GANC: variants seen among roughly 807,000 people sequenced by gnomAD.
The protein encoded by GANC is glucosidase alpha, neutral C, also known as neutral alpha-glucosidase C.
Under a neutral mutation model 124.2 loss-of-function variants are expected in GANC, and 117 were observed. The observed-to-expected ratio is 0.94, with a 90% CI of 0.81 to 1.10. The LOEUF is 1.10. Ranked by LOEUF, GANC falls within the 50% of genes least tolerant of loss-of-function variation. The pLI is 0.00. For synonymous variants in GANC, 377 were observed against 376.8 expected (o/e 1.00, Z -0.01); for missense variants, 1,140 against 1,095.0 (o/e 1.04, Z -0.58).
intron 7 of GANC, 112 bp from the exon 8 acceptor site, chr15:42,308,110 G>A: frequency 1.6e-6 from 1 of 610,110 alleles, no homozygotes; most frequent in East Asian, 2.6e-5. Context: ...ATCTAGGTGA[G>A]CCCAGGTCTC....
At chr15:42,318,440 A>G (rs976262803) in intron 10 of GANC, among the ~76,000 whole-genome samples, 2 of 152,292 alleles carry the variant, frequency 1.3e-5, no homozygotes, top group East Asian at 1.9e-4. Context: ...ACTGTCTTCT[A>G]CCTTCTTGCT....
rs1157102936 is a variant in GANC, at chr15:42,322,026, A to G, written c.1293+6A>G. ...TCAGGAGCAAAAAGCGTAAGGTAAA[A>G]TAAGCCAACATTTCTGAACCTTTTA... On this transcript the variant is annotated splice_donor_region_variant and intron_variant, in intron 11 of 23. Transcript: ENST00000318010. 2 of 1,598,946 alleles carry G rather than the reference A, an allele frequency of 1.3e-6. No homozygotes were observed. The highest frequency in any genetic ancestry group is 1.7e-6 in the Non-Finnish European group (2 of 1,171,686).
At chr15:42,332,734 C>A (rs1237399609) in intron 15 of GANC, among the ~76,000 whole-genome samples, 2 of 151,246 alleles carry the variant, frequency 1.3e-5, no homozygotes, top group African/African-American at 4.9e-5. Context: ...TTTTTTTGAG[C>A]CAGGCACAGT....
intron 8 of GANC, among the ~76,000 whole-genome samples, chr15:42,309,268 C>G (rs771760279): frequency 6.6e-6 from 1 of 152,108 alleles, no homozygotes; most frequent in Non-Finnish European, 1.5e-5. Context: ...CTCCCACCCC[C>G]AATTCAGTTC....
chr15:42,327,211 C>G, intron 12 of GANC, 152 bp from the exon 13 acceptor site: 1 of 564,428 alleles, frequency 1.8e-6, no homozygotes, highest in South Asian at 2.8e-5. Context: ...TACCTTCCTT[C>G]ACTTCTCAAC....
rs901339620 is a variant in GANC, at chr15:42,352,589, C to G, written c.*450C>G. The G allele has an allele frequency of 3.0e-6, 3 of 1,010,192 alleles. No homozygotes were observed. Among genetic ancestry groups the G allele is most frequent in the Non-Finnish European group, 3.6e-6 (3 of 843,584 alleles). The allele number at this position is 1,010,192 out of a possible 1,614,324, so 62.6% of individuals were successfully genotyped here. A position where few individuals can be genotyped will look rare whatever the true frequency, so the allele number is the denominator to read the frequency against. ...TGGACAGCAGCCTCTGGTACTCCCC[C>G]CAGTTATCTTCCACCCACATGGACT... is the stretch of plus-strand genomic sequence containing the variant. On this transcript the variant is annotated 3_prime_UTR_variant, in exon 24 of 24. Coordinates refer to ENST00000318010, the MANE Select transcript of GANC (RefSeq NM_198141.3).
At chr15:42,280,907 T>C (rs747233039) in intron 3 of GANC, 29 of 700,564 alleles carry the variant, frequency 4.1e-5, no homozygotes, top group South Asian at 3.1e-4. Flanking sequence ...TGAGGAACAA[T>C]GCTCTTCAGG....
intron 6 of GANC, 26 bp from the exon 7 acceptor site, chr15:42,306,520 G>A (rs1339396158): frequency 9.4e-6 from 15 of 1,590,042 alleles, no homozygotes; most frequent in Non-Finnish European, 1.3e-5. Context: ...TGTAAACTCA[G>A]TTTGCTCCCT....
chr15:42,301,848 C>T (rs1474970334), intron 6 of GANC, among the ~76,000 whole-genome samples: 1 of 152,214 alleles, frequency 6.6e-6, no homozygotes, highest in Non-Finnish European at 1.5e-5. Context: ...AAGGCAGCAG[C>T]CCCAATCGGG....
chr15:42,348,879 T>A (rs1291294141), intron 21 of GANC, among the ~76,000 whole-genome samples: 1 of 152,188 alleles, frequency 6.6e-6, no homozygotes, highest in Non-Finnish European at 1.5e-5. Context: ...TGGGCCAAAC[T>A]ATGGGTCCCA....
intron 3 of GANC, chr15:42,284,071 T>C (rs1214525972): frequency 5.8e-6 from 4 of 686,412 alleles, no homozygotes; most frequent in Non-Finnish European, 1.1e-5. Flanking sequence ...CCACTCACTG[T>C]TCTATGTCTT....
At chr15:42,342,566 A>G (rs2052335426) in intron 18 of GANC, among the ~76,000 whole-genome samples, 2 of 151,818 alleles carry the variant, frequency 1.3e-5, no homozygotes, top group Non-Finnish European at 2.9e-5. Flanking sequence ...TGGGGAACAG[A>G]GTGAGACCCT....
At chr15:42,298,755 C>G (rs2051916043) in intron 6 of GANC, among the ~76,000 whole-genome samples, 2 of 152,164 alleles carry the variant, frequency 1.3e-5, no homozygotes, top group African/African-American at 4.8e-5. Context: ...GTTTGTAGTT[C>G]TCCTTGAAGA....
rs148072784 is a variant in GANC, at chr15:42,285,147, A to G, written c.202-2544A>G. ...TGTTTACTGTTTTAGGTAGAAGAAT[A>G]TAACAGTCATGTCCAAACTTTTTGA... On this transcript the variant is annotated intron_variant, in intron 3 of 23. Transcript: ENST00000318010. Among the ~76,000 whole-genome samples, 984 of 152,362 alleles carry G rather than the reference A, an allele frequency of 6.5e-3. 14 individuals carry two copies. Among genetic ancestry groups the G allele is most frequent in the African/African-American group, 0.022 (923 of 41,584 alleles).
chr15:42,352,116 G>A lies in GANC; in HGVS notation c.2722G>A (p.Asp908Asn). Residue 908 changes from aspartate (D) to asparagine (N), a missense_variant, in exon 24 of 24, where the codon GAC becomes AAC. Coordinates refer to ENST00000318010, the MANE Select transcript of GANC (RefSeq NM_198141.3). Reference sequence around the variant, plus strand: ...GAAGCTCTCACTCAACATTGCCACTGACTGGGAGGTCCGCATCATATGACA... The same window carrying A: ...GAAGCTCTCACTCAACATTGCCACTAACTGGGAGGTCCGCATCATATGACA... ...LEKLSLNIAT[D>N]WEVRII The A allele has an allele frequency of 1.2e-6, 2 of 1,614,140 alleles. No homozygotes were observed. The highest frequency in any genetic ancestry group is 1.7e-6 in the Non-Finnish European group (2 of 1,180,016).
At chr15:42,323,872 G>A (rs1369703766) in intron 11 of GANC, among the ~76,000 whole-genome samples, 1 of 152,146 alleles carries the variant, frequency 6.6e-6, no homozygotes, top group Non-Finnish European at 1.5e-5. Context: ...AGGGAAGAGG[G>A]CAATGCAGCC....
intron 10 of GANC, among the ~76,000 whole-genome samples, chr15:42,316,500 ATTTTCTTCTATGCG>A (rs937374880): frequency 1.2e-4 from 18 of 152,298 alleles, no homozygotes; most frequent in South Asian, 4.1e-4. Flanking sequence ...GGAAGGCAGC[ATTTTCTTCTATGCG>A]TTTTCTTCTA....
rs2052043148 is a variant in GANC, at chr15:42,310,750, CAT to C, written c.962_963del (p.His321ArgfsTer11). 1 of 1,614,172 alleles carries C rather than the reference CAT, an allele frequency of 6.2e-7. No individual in the cohort carries two copies. The highest frequency in any genetic ancestry group is 8.5e-7 in the Non-Finnish European group (1 of 1,179,988). On this transcript the variant is annotated frameshift_variant, in exon 10 of 24. Coordinates refer to ENST00000318010, the MANE Select transcript of GANC (RefSeq NM_198141.3). LOFTEE classifies it high-confidence loss of function. ...TAAACAAAAGGTCAGATCTCGCACTCATGTGCACTGGATGTCAGAGAGTGGCA... is the reference window on the plus strand; with the variant it reads ...TAAACAAAAGGTCAGATCTCGCACTCGTGCACTGGATGTCAGAGAGTGGCA... ...AAKQKVRSRT[H>X]VHWMSESGII...
rs370258614 is a variant in GANC at position 42,338,394 on chromosome 15, G to C, written c.1747G>C (p.Val583Leu). 3 of 1,612,784 alleles carry C rather than the reference G, an allele frequency of 1.9e-6. No individual in the cohort carries two copies. The highest frequency in any genetic ancestry group is 2.2e-5 in the East Asian group (1 of 44,858). Residue 583 changes from valine to leucine, a missense_variant, in exon 16 of 24, where the codon GTG becomes CTG. Transcript: ENST00000318010. Reference protein sequence around the residue: ...FFAGSQKYGAVWTGDNTAEWS... With the variant: ...FFAGSQKYGALWTGDNTAEWS... ...ATTGTTGCTGGTGACCAAAGGTGCC[G>C]TGTGGACAGGCGACAACACAGCAGA...
Sources: allele counts gnomAD v4.1 joint callset (sites outside exome capture counted in the v4.1 genomes callset), GRCh38; gene constraint gnomAD v4.1.1; transcripts MANE v1.5; gene names NCBI Gene and HGNC (gene_info 2026-07-23, HGNC 2026-07-21).